The following PRDM16 variants were observed in gnomAD, a reference collection of about 807,000 sequenced individuals.
PRDM16 encodes the protein histone-lysine N-methyltransferase PRDM16.
Under a neutral mutation model 110.6 loss-of-function variants are expected in PRDM16, and 23 were observed. The ratio of observed to expected loss-of-function variants is 0.21; its 90% confidence interval spans 0.15 to 0.29. PRDM16 has a LOEUF of 0.29. Ranked by LOEUF, PRDM16 falls within the 10% of genes least tolerant of loss-of-function variation. The pLI is 1.00. For missense variants in PRDM16, 1,615 were observed against 1,794.3 expected (o/e 0.90, Z 1.81); for synonymous variants, 799 against 781.8 (o/e 1.02, Z -0.37).
At chr1:3,396,043 T>C (rs1214411062) in intron 4 of PRDM16, among the ~76,000 whole-genome samples, 1 of 152,164 alleles carries the variant, frequency 6.6e-6, no homozygotes, top group Non-Finnish European at 1.5e-5. Flanking sequence ...CAGGCGCAGC[T>C]CATGGCCACT....
chr1:3,436,602 G>A lies in PRDM16; in HGVS notation c.*2791G>A, dbSNP rs1569804568. 4.3e-6 allele frequency: 1 copy of A among 231,954 alleles called. No homozygotes were observed. Among genetic ancestry groups the A allele is most frequent in the East Asian group, 6.1e-5 (1 of 16,454 alleles). The allele number at this position is 231,954 out of a possible 1,614,324, so 14.4% of individuals were successfully genotyped here. Reference sequence around the variant, plus strand: ...CCCCAAAACACGGCCCCGACACTTAGTGTGGCCCCAGGCCCCAGCGAGCCT... The same window carrying A: ...CCCCAAAACACGGCCCCGACACTTAATGTGGCCCCAGGCCCCAGCGAGCCT... On this transcript the variant is annotated 3_prime_UTR_variant, in exon 17 of 17. Transcript: ENST00000270722.
intron 1 of PRDM16, among the ~76,000 whole-genome samples, chr1:3,142,174 G>A (rs1643563858): frequency 6.6e-6 from 1 of 152,250 alleles, no homozygotes; most frequent in Non-Finnish European, 1.5e-5. Context: ...CTTCCAGGAA[G>A]AGGTTGGGGC....
At chr1:3,129,718 G>A (rs1643294541) in intron 1 of PRDM16, among the ~76,000 whole-genome samples, 1 of 152,182 alleles carries the variant, frequency 6.6e-6, no homozygotes, top group Non-Finnish European at 1.5e-5. Flanking sequence ...GCACTGCCCA[G>A]ACCCTGTACG....
chr1:3,330,329 T>C (rs764309433), intron 3 of PRDM16, among the ~76,000 whole-genome samples: 4 of 152,350 alleles, frequency 2.6e-5, no homozygotes, highest in Non-Finnish European at 5.9e-5. Flanking sequence ...TTGGAGATGC[T>C]TTTTGTGTCT....
chr1:3,256,824 T>C (rs1481518043), intron 3 of PRDM16, among the ~76,000 whole-genome samples: 1 of 152,076 alleles, frequency 6.6e-6, no homozygotes, highest in Non-Finnish European at 1.5e-5. Context: ...ACCACTGCAC[T>C]CCAGCCTGGG....
rs367879720 is a variant in PRDM16, at chr1:3,412,583, G to A, written c.2386G>A (p.Ala796Thr). The change falls in exon 9 of 17, where the codon GCA becomes ACA. Residue 796 changes from alanine (A) to threonine (T), a missense_variant. By Grantham distance (58) the Ala-to-Thr change is moderately conservative. This residue lies in a region of PRDM16 where 772 missense variants were observed against 748.3 expected (regional missense o/e 1.03). Coordinates refer to ENST00000270722, the MANE Select transcript of PRDM16 (RefSeq NM_022114.4). ...LPMPKGPSAP[A>T]SGEEQPLDLS... ...CATGCCCAAGGGCCCCTCGGCCCCC[G>A]CATCCGGCGAGGAGCAGCCGCTGGA... 2.8e-5 allele frequency: 45 copies of A among 1,605,336 alleles called. No individual in the cohort carries two copies. The Middle Eastern group carries it at 6.6e-4, about 24-fold the overall frequency.
intron 1 of PRDM16, among the ~76,000 whole-genome samples, chr1:3,173,454 G>T (rs570391058): frequency 6.6e-6 from 1 of 152,360 alleles, no homozygotes; most frequent in Non-Finnish European, 1.5e-5. Flanking sequence ...ATAATGCATC[G>T]GCTTTAGGTA....
intron 2 of PRDM16, among the ~76,000 whole-genome samples, chr1:3,214,964 C>T (rs1638985676): frequency 6.6e-6 from 1 of 152,160 alleles, no homozygotes; most frequent in Admixed American, 6.5e-5. Context: ...TTCAGGGCCA[C>T]CGATCTTAGA....
intron 8 of PRDM16, among the ~76,000 whole-genome samples, 170 bp downstream of exon 8, chr1:3,405,818 G>A (rs967364639): frequency 1.3e-5 from 2 of 152,204 alleles, no homozygotes; most frequent in Non-Finnish European, 2.9e-5. Flanking sequence ...CCTGGTCCCC[G>A]GCAGGCACCC....
At chr1:3,369,056 G>A (rs375033534) in intron 3 of PRDM16, among the ~76,000 whole-genome samples, 1 of 152,204 alleles carries the variant, frequency 6.6e-6, no homozygotes, top group African/African-American at 2.4e-5. Context: ...TTAAATAGAT[G>A]TCTGAACGTG....
chr1:3,405,014 C>G (rs750425586), intron 7 of PRDM16, 128 bp downstream of exon 7: 3 of 989,602 alleles, frequency 3.0e-6, no homozygotes, highest in African/African-American at 3.3e-5. Flanking sequence ...GTAGGAGGCC[C>G]CTGCGGTGGC....
At position 3,436,802 on chromosome 1, in the gene PRDM16, T is replaced by C; in HGVS notation, c.*2991T>C. On this transcript the variant is annotated 3_prime_UTR_variant, in exon 17 of 17. Coordinates refer to ENST00000270722, the MANE Select transcript of PRDM16 (RefSeq NM_022114.4). ...GGATGCGACGGGGCAGCTGGCTGTGTCCATGGCCAGGTGGCCAGGGTCAGG... is the reference window on the plus strand; with the variant it reads ...GGATGCGACGGGGCAGCTGGCTGTGCCCATGGCCAGGTGGCCAGGGTCAGG... 4.3e-6 allele frequency: 1 copy of C among 233,276 alleles called. No individual in the cohort carries two copies. Among genetic ancestry groups the C allele is most frequent in the African/African-American group, 2.2e-5 (1 of 45,472 alleles). 14.5% of individuals were successfully genotyped at this position (233,276 alleles called of 1,614,324 possible). A position where few individuals can be genotyped will look rare whatever the true frequency, so the allele number is the denominator to read the frequency against.
chr1:3,181,231 CGGTCTT>C (rs1644166575), intron 1 of PRDM16, among the ~76,000 whole-genome samples: 4 of 132,762 alleles, frequency 3.0e-5, no homozygotes, highest in African/African-American at 2.6e-5. Flanking sequence ...GTCTTACACA[CGGTCTT>C]ACACACAGTC....
At chr1:3,418,207 G>A (rs1453665302) in intron 11 of PRDM16, among the ~76,000 whole-genome samples, 2 of 152,260 alleles carry the variant, frequency 1.3e-5, no homozygotes, top group Admixed American at 1.3e-4. Context: ...GTGCTCTTGG[G>A]AGCTCAAGAA....
chr1:3,373,803 C>T (rs1373072348), intron 3 of PRDM16, among the ~76,000 whole-genome samples: 2 of 152,244 alleles, frequency 1.3e-5, no homozygotes, highest in African/African-American at 4.8e-5. Flanking sequence ...CCAACGCGTG[C>T]TGCCCTCCCT....
At chr1:3,291,731 T>C (rs1418344922) in intron 3 of PRDM16, among the ~76,000 whole-genome samples, 1 of 152,350 alleles carries the variant, frequency 6.6e-6, no homozygotes, top group East Asian at 1.9e-4. Context: ...GAAATGCAAG[T>C]CCCCTGAACC....
chr1:3,373,825 G>A (rs561148903), intron 3 of PRDM16, among the ~76,000 whole-genome samples: 27 of 152,348 alleles, frequency 1.8e-4, no homozygotes, highest in East Asian at 9.6e-4. Context: ...CCATCCCCAC[G>A]GGGACACATG....
chr1:3,418,645 TC>T, intron 11 of PRDM16, 21 bp from the exon 12 acceptor site: 1 of 1,086,614 alleles, frequency 9.2e-7, no homozygotes, highest in Non-Finnish European at 1.4e-6. Flanking sequence ...TCCCTCACCC[TC>T]CCCACCTCCC....
rs530277199 is a variant in PRDM16 at position 3,437,904 on chromosome 1, G to A, written c.*4093G>A. Reference sequence around the variant, plus strand: ...GATGCTGAGCCCTGGTGTCAGAGTCGTAATTTAAAGCGTGTGTGTATATGG... The same window carrying A: ...GATGCTGAGCCCTGGTGTCAGAGTCATAATTTAAAGCGTGTGTGTATATGG... On this transcript the variant is annotated 3_prime_UTR_variant, in exon 17 of 17. Transcript: ENST00000270722. The A allele has an allele frequency of 4.1e-5, 9 of 220,188 alleles. No individual in the cohort carries two copies. Among genetic ancestry groups the A allele is most frequent in the Admixed American group, 1.2e-4 (2 of 17,332 alleles). The allele number at this position is 220,188 out of a possible 1,614,324, so 13.6% of individuals were successfully genotyped here. A position where few individuals can be genotyped will look rare whatever the true frequency, so the allele number is the denominator to read the frequency against.
Sources: allele counts gnomAD v4.1 joint callset (sites outside exome capture counted in the v4.1 genomes callset), GRCh38; gene constraint gnomAD v4.1.1; regional missense constraint gnomAD v4.1.1; transcripts MANE v1.5; gene names NCBI Gene and HGNC (gene_info 2026-07-23, HGNC 2026-07-21).